The following KAZN variants were observed in gnomAD, a reference collection of about 807,000 sequenced individuals.
The protein encoded by KAZN is kazrin.
KAZN carries 40 observed loss-of-function variants against 87.4 expected under a neutral mutation model. The observed-to-expected ratio is 0.46, with a 90% confidence interval of 0.36 to 0.60. The LOEUF is 0.60. KAZN is among the 20% of genes least tolerant of loss of function. The pLI, the probability that KAZN is intolerant of heterozygous loss-of-function variation, is 0.00. For missense variants in KAZN, 898 were observed against 1,073.9 expected (o/e 0.84, Z 2.29); for synonymous variants, 466 against 458.3 (o/e 1.02, Z -0.22).
In KAZN at chr1:14,951,508, G is replaced by A. The variant is rs541489072; in HGVS notation, c.227-9176G>A. 2.5e-4 allele frequency among the ~76,000 whole-genome samples: 38 copies of A among 149,840 alleles called. No individual in the cohort carries two copies. In the South Asian group the frequency reaches 5.4e-3, roughly 21 times the overall value. On this transcript the variant is annotated intron_variant, in intron 1 of 14. Coordinates refer to ENST00000376030, the MANE Select transcript of KAZN (RefSeq NM_201628.3). Reference sequence around the variant, plus strand: ...ATTCATTTATTTTAGACATAGCCTCGCTCTGTCACCCAGGCTGGGATGCAA... The same window carrying A: ...ATTCATTTATTTTAGACATAGCCTCACTCTGTCACCCAGGCTGGGATGCAA...
intron 2 of KAZN, among the ~76,000 whole-genome samples, chr1:14,535,057 C>A (rs982134612): frequency 6.6e-6 from 1 of 152,160 alleles, no homozygotes; most frequent in Non-Finnish European, 1.5e-5. Context: ...CTTCAAGGAA[C>A]AAACTCTTTG....
chr1:14,490,480 GTTTT>G (rs778067737), intron 2 of KAZN, among the ~76,000 whole-genome samples: 6 of 151,760 alleles, frequency 4.0e-5, no homozygotes, highest in African/African-American at 9.7e-5. Flanking sequence ...TTTTTTGTTT[GTTTT>G]TTTGGTTTGT....
At chr1:14,344,609 C>G (rs556001909) in intron 2 of KAZN, among the ~76,000 whole-genome samples, 1 of 152,124 alleles carries the variant, frequency 6.6e-6, no homozygotes, top group South Asian at 2.1e-4. Flanking sequence ...TATAGCATGT[C>G]AGATTGTGAT....
intron 2 of KAZN, among the ~76,000 whole-genome samples, chr1:14,559,526 G>A (rs140196840): frequency 8.7e-4 from 132 of 152,246 alleles, no homozygotes; most frequent in African/African-American, 3.0e-3. Flanking sequence ...TTTAAAATGA[G>A]ACCAGAATTA....
chr1:14,442,248 C>A (rs923266648), intron 2 of KAZN, among the ~76,000 whole-genome samples: 3 of 152,192 alleles, frequency 2.0e-5, no homozygotes, highest in Admixed American at 1.3e-4. Context: ...ATTTGGATTG[C>A]GGCTTTGGCA....
intron 1 of KAZN, among the ~76,000 whole-genome samples, chr1:14,651,291 A>T (rs770058451): frequency 7.9e-5 from 12 of 152,214 alleles, no homozygotes; most frequent in Non-Finnish European, 1.2e-4. Flanking sequence ...GATGGCAGGA[A>T]GTCATATAGC....
chr1:14,582,958 T>C (rs1053850127), intron 2 of KAZN, among the ~76,000 whole-genome samples: 3 of 152,134 alleles, frequency 2.0e-5, no homozygotes, highest in East Asian at 1.9e-4. Context: ...GCCTCCTCCA[T>C]CCCTGCAGCC....
chr1:14,675,542 G>A (rs1368801006), intron 1 of KAZN, among the ~76,000 whole-genome samples: 4 of 152,170 alleles, frequency 2.6e-5, no homozygotes, highest in Non-Finnish European at 4.4e-5. Context: ...GAGGGCAGGA[G>A]GCTGATATCC....
At chr1:14,909,531 C>T (rs577717612) in intron 1 of KAZN, among the ~76,000 whole-genome samples, 1 of 152,326 alleles carries the variant, frequency 6.6e-6, no homozygotes, top group South Asian at 2.1e-4. Flanking sequence ...TTTCCTCTGC[C>T]CACAGTGCCC....
chr1:14,148,938 A>G (rs769893302), intron 1 of KAZN, among the ~76,000 whole-genome samples: 24 of 151,966 alleles, frequency 1.6e-4, no homozygotes, highest in Admixed American at 9.2e-4. Flanking sequence ...TGGCTTTTAT[A>G]TTTTGGTCTT....
rs1050547792 is a variant in KAZN, at chr1:14,360,643, C to T, written c.249+180051C>T. Among the ~76,000 whole-genome samples, 8 of 151,816 alleles carry T rather than the reference C, an allele frequency of 5.3e-5. No homozygotes were observed. The South Asian group carries it at 1.7e-3, about 32-fold the overall frequency. On this transcript the variant is annotated intron_variant, in intron 2 of 16. Transcript: ENST00000636203. ...GAGTTTTTGTGTGGATGTCCTTTTT[C>T]TTTGGTGTTATGCTATTCCTGTTTG...
At chr1:14,289,134 G>C (rs1290532143) in intron 2 of KAZN, among the ~76,000 whole-genome samples, 1 of 152,206 alleles carries the variant, frequency 6.6e-6, no homozygotes, top group Non-Finnish European at 1.5e-5. Context: ...AGTGTGATGT[G>C]ATGCTGAGAA....
chr1:14,387,735 T>C (rs1662055001), intron 2 of KAZN, among the ~76,000 whole-genome samples: 1 of 151,928 alleles, frequency 6.6e-6, no homozygotes, highest in Non-Finnish European at 1.5e-5. Context: ...GACAGGGACA[T>C]TTAAGTCTGC....
intron 1 of KAZN, among the ~76,000 whole-genome samples, chr1:13,984,306 G>A (rs1253442828): frequency 6.6e-6 from 1 of 152,156 alleles, no homozygotes; most frequent in Non-Finnish European, 1.5e-5. Context: ...CACCGCGCCC[G>A]GCCTATTTGG....
intron 1 of KAZN, among the ~76,000 whole-genome samples, chr1:14,840,040 C>T (rs1283074446): frequency 1.3e-5 from 2 of 152,004 alleles, no homozygotes; most frequent in Non-Finnish European, 2.9e-5. Flanking sequence ...ACCCCCACCC[C>T]GCTATTTTTT....
intron 1 of KAZN, among the ~76,000 whole-genome samples, chr1:13,995,396 T>C (rs1639467467): frequency 6.6e-6 from 1 of 152,164 alleles, no homozygotes; most frequent in East Asian, 1.9e-4. Context: ...CTGTTTTATA[T>C]GCTAGCAGCA....
chr1:14,684,800 C>T (rs893344633), intron 1 of KAZN, among the ~76,000 whole-genome samples: 1 of 152,214 alleles, frequency 6.6e-6, no homozygotes, highest in Admixed American at 6.5e-5. Context: ...CTTGCAATGA[C>T]ATCAGGCCCA....
At chr1:14,665,920 A>G in intron 1 of KAZN, among the ~76,000 whole-genome samples, 1 of 134,526 alleles carries the variant, frequency 7.4e-6, no homozygotes, top group East Asian at 2.3e-4. Flanking sequence ...TACAAGAAGG[A>G]GAAGCTTTGC....
At chr1:13,960,799 A>G (rs1434074069) in intron 1 of KAZN, among the ~76,000 whole-genome samples, 1 of 152,154 alleles carries the variant, frequency 6.6e-6, no homozygotes, top group African/African-American at 2.4e-5. Context: ...TGTTCTGTCC[A>G]GGCCTTCGGA....
Sources: allele counts gnomAD v4.1 joint callset (sites outside exome capture counted in the v4.1 genomes callset), GRCh38; gene constraint gnomAD v4.1.1; transcripts MANE v1.5; gene names NCBI Gene and HGNC (gene_info 2026-07-23, HGNC 2026-07-21).